The following ZFYVE16 variants were observed in gnomAD, a reference collection of about 807,000 sequenced individuals.
The protein encoded by ZFYVE16 is zinc finger FYVE domain-containing protein 16.
ZFYVE16 carries 89 observed loss-of-function variants against 138.1 expected under a neutral mutation model. The ratio of observed to expected loss-of-function variants is 0.64; its 90% CI spans 0.54 to 0.77. The LOEUF (loss-of-function observed/expected upper bound fraction) is 0.77. Among genes scored for constraint, ZFYVE16 ranks in the 30% least tolerant of loss-of-function variants. ZFYVE16 has a pLI of 0.00. For synonymous variants in ZFYVE16, 596 were observed against 618.3 expected, an observed-to-expected ratio of 0.96 and a Z score of 0.53; for missense variants, 1,793 against 1,786.7, an observed-to-expected ratio of 1.00 and a Z score of -0.06.
chr5:80,477,166 C>A (rs1754995237), intron 18 of ZFYVE16, 53 bp from the exon 19 acceptor site: 1 of 1,408,074 alleles, frequency 7.1e-7, no homozygotes, highest in South Asian at 1.3e-5. Context: ...TATTCACATT[C>A]CGAGTTAAAC....
chr5:80,418,015 A>G (rs1746506917), intron 1 of ZFYVE16, among the ~76,000 whole-genome samples: 1 of 152,116 alleles, frequency 6.6e-6, no homozygotes, highest in Admixed American at 6.5e-5. Flanking sequence ...TCATTGTTCT[A>G]ATCTGCAGTT....
intron 1 of ZFYVE16, among the ~76,000 whole-genome samples, chr5:80,415,651 C>G (rs1746100083): frequency 6.6e-6 from 1 of 151,938 alleles, no homozygotes; most frequent in Non-Finnish European, 1.5e-5. Flanking sequence ...TCAATACATA[C>G]TGTCAGTGTG....
intron 11 of ZFYVE16, among the ~76,000 whole-genome samples, chr5:80,453,109 C>T (rs1752157836): frequency 6.6e-6 from 1 of 152,060 alleles, no homozygotes; most frequent in South Asian, 2.1e-4. Context: ...GTGGTGATTA[C>T]TATTTCAGAA....
Position 80,437,719 on chromosome 5 carries a change from A to G in ZFYVE16, c.1034A>G (p.Asp345Gly). Residue 345 changes from aspartate (D) to glycine (G), a missense_variant, in exon 4 of 19, where the codon GAC becomes GGC. Asp to Gly is a moderately conservative substitution (Grantham distance 94). This residue lies in a region of ZFYVE16 where 1,295 missense variants were observed against 1,204.3 expected (regional missense o/e 1.08). Coordinates refer to ENST00000505560, the MANE Select transcript of ZFYVE16 (RefSeq NM_001284236.3). ...GTTATAAAACAATCTGCACAAGAAG[A>G]CTCAAAAAGTTTAGACCTTAAGGAT... Reference protein sequence around the residue: ...KTVIKQSAQEDSKSLDLKDND... With the variant: ...KTVIKQSAQEGSKSLDLKDND... The G allele has an allele frequency of 6.2e-7, 1 of 1,613,998 alleles. No individual in the cohort carries two copies. Among genetic ancestry groups the G allele is most frequent in the Non-Finnish European group, 8.5e-7 (1 of 1,179,958 alleles).
At position 80,477,539 on chromosome 5, in the gene ZFYVE16, C is replaced by A; in HGVS notation, c.*162C>A. On this transcript the variant is annotated 3_prime_UTR_variant, in exon 19 of 19. Coordinates refer to ENST00000505560, the MANE Select transcript of ZFYVE16 (RefSeq NM_001284236.3). ...GAATGATCTTTTCAAATCATTAGCA[C>A]AATATTTAAATATCTAAAAATTTAA... 1 of 535,294 alleles carries A rather than the reference C, an allele frequency of 1.9e-6. No homozygotes were observed. The highest frequency in any genetic ancestry group is 2.9e-6 in the Non-Finnish European group (1 of 341,764). 33.2% of individuals were successfully genotyped at this position (535,294 alleles called of 1,614,324 possible).
chr5:80,437,119 A>T lies in ZFYVE16; in HGVS notation c.434A>T (p.Asp145Val), dbSNP rs1416826902. Residue 145 changes from aspartate (D) to valine (V), a missense_variant, in exon 4 of 19, where the codon GAT becomes GTT. By Grantham distance (152) the Asp-to-Val change is radical (BLOSUM62 -3). Transcript: ENST00000505560. The part of the protein sequence containing the change: ...NLVHATNSEE[D>V]IKKLLPDDFK... ...GTTCATGCAACCAATAGTGAAGAAGATATTAAAAAATTATTGCCAGATGAT... is the reference window on the plus strand; with the variant it reads ...GTTCATGCAACCAATAGTGAAGAAGTTATTAAAAAATTATTGCCAGATGAT... 2.5e-5 allele frequency: 40 copies of T among 1,613,876 alleles called. 1 individual carries two copies. Among genetic ancestry groups the T allele is most frequent in the Non-Finnish European group, 3.1e-5 (36 of 1,179,922 alleles).
At chr5:80,411,984 G>A (rs1194314211) in intron 1 of ZFYVE16, among the ~76,000 whole-genome samples, 3 of 152,046 alleles carry the variant, frequency 2.0e-5, no homozygotes, top group African/African-American at 7.2e-5. Context: ...TTTGAGACAG[G>A]ATCTCACTCT....
In ZFYVE16 at chr5:80,480,530, A is replaced by G. The variant is rs907496911; in HGVS notation, c.*3153A>G. ...CAAGAATAGGACAGAGCAAATACTT[A>G]GATAGAATGCAGAATTTTAAAAACT... On this transcript the variant is annotated 3_prime_UTR_variant, in exon 19 of 19. Coordinates refer to ENST00000505560, the MANE Select transcript of ZFYVE16 (RefSeq NM_001284236.3). 2.6e-5 allele frequency among the ~76,000 whole-genome samples: 4 copies of G among 152,190 alleles called. No homozygotes were observed. The highest frequency in any genetic ancestry group is 2.6e-4 in the Admixed American group (4 of 15,278).
chr5:80,433,330 C>T (rs535969387), intron 2 of ZFYVE16, among the ~76,000 whole-genome samples: 4 of 152,244 alleles, frequency 2.6e-5, no homozygotes, highest in Admixed American at 6.5e-5. Context: ...AGCCAACTAT[C>T]GCAAGGACGA....
chr5:80,452,328 A>T, intron 11 of ZFYVE16: 1 of 150,592 alleles, frequency 6.6e-6, no homozygotes, highest in Non-Finnish European at 1.5e-5. Context: ...GCAGCTACTC[A>T]GGAGGCTGAG....
intron 15 of ZFYVE16, among the ~76,000 whole-genome samples, chr5:80,461,739 G>A (rs1753139804): frequency 6.6e-6 from 1 of 152,124 alleles, no homozygotes; most frequent in Non-Finnish European, 1.5e-5. Flanking sequence ...TCTTAGGGAG[G>A]CTGAGGCAGG....
chr5:80,429,843 A>AGAAG (rs774775888), intron 2 of ZFYVE16, among the ~76,000 whole-genome samples: 12 of 151,618 alleles, frequency 7.9e-5, no homozygotes, highest in Middle Eastern at 3.4e-3. Flanking sequence ...AAAGAGACAA[A>AGAAG]GCCATTACAG....
In ZFYVE16 at chr5:80,419,824, T is replaced by A. The variant is rs551979554; in HGVS notation, c.-93-7668T>A. Among the ~76,000 whole-genome samples the A allele has an allele frequency of 3.9e-5, 6 of 152,190 alleles. No homozygotes were observed. In the South Asian group the frequency reaches 1.2e-3, roughly 32 times the overall value. On this transcript the variant is annotated intron_variant, in intron 1 of 18. Coordinates refer to ENST00000505560, the MANE Select transcript of ZFYVE16 (RefSeq NM_001284236.3). ...TTGGTTTTTTTTTGTTTTGTTTTAT[T>A]TTTTTGAGACAGAGTCTCACTCTGT...
At chr5:80,434,578 G>T (rs1357030666) in intron 3 of ZFYVE16, among the ~76,000 whole-genome samples, 1 of 152,098 alleles carries the variant, frequency 6.6e-6, no homozygotes, top group Non-Finnish European at 1.5e-5. Context: ...CGAGGCTCAA[G>T]CATTTCTCCC....
intron 9 of ZFYVE16, among the ~76,000 whole-genome samples, chr5:80,449,941 C>T (rs536654551): frequency 6.6e-6 from 1 of 152,102 alleles, no homozygotes; most frequent in Admixed American, 6.5e-5. Flanking sequence ...AGGTTAAGGT[C>T]ATGGGCTTAT....
At position 80,445,396 on chromosome 5, in the gene ZFYVE16, T is replaced by C. The variant is rs1468941708; in HGVS notation, c.2715T>C (p.Asp905=). The change falls in exon 7 of 19, where the codon GAT becomes GAC. Residue 905 remains aspartate (D), a synonymous_variant. Coordinates refer to ENST00000505560, the MANE Select transcript of ZFYVE16 (RefSeq NM_001284236.3). ...CSEDFSPLSP[D]VPMTVNTVDH... is the part of the protein sequence containing the mutation. ...AAGACTTTAGTCCTCTCTCACCTGATGTGCCTATGGTAAGGAATTCAAAGA... is the reference window on the plus strand; with the variant it reads ...AAGACTTTAGTCCTCTCTCACCTGACGTGCCTATGGTAAGGAATTCAAAGA... 3.7e-6 allele frequency: 6 copies of C among 1,613,222 alleles called. No homozygotes were observed. The highest frequency in any genetic ancestry group is 1.7e-5 in the Admixed American group (1 of 59,910).
chr5:80,410,969 T>C (rs559667424), intron 1 of ZFYVE16, among the ~76,000 whole-genome samples: 5 of 151,480 alleles, frequency 3.3e-5, no homozygotes, highest in Admixed American at 1.3e-4. Flanking sequence ...ATTTTATTTT[T>C]ATTGATTTAG....
At chr5:80,451,326 T>C (rs1751966528) in intron 10 of ZFYVE16, among the ~76,000 whole-genome samples, 159 bp from the exon 11 acceptor site, 1 of 151,998 alleles carries the variant, frequency 6.6e-6, no homozygotes, top group Non-Finnish European at 1.5e-5. Flanking sequence ...AGAACAGAAA[T>C]AAGAAAAAAA....
intron 15 of ZFYVE16, among the ~76,000 whole-genome samples, chr5:80,464,239 A>G (rs999247743): frequency 1.3e-5 from 2 of 152,118 alleles, no homozygotes; most frequent in African/African-American, 4.8e-5. Context: ...TATAAAGGAA[A>G]GAGGTTTAAT....
Sources: gnomAD v4.1 joint callset for allele counts (sites outside exome capture counted in the v4.1 genomes callset) on GRCh38, gnomAD v4.1.1 for gene constraint, gnomAD v4.1.1 regional missense constraint, MANE v1.5 for transcripts, NCBI Gene and HGNC (gene_info 2026-07-23, HGNC 2026-07-21) for gene names.